ABTB3: variants seen among roughly 807,000 people sequenced by gnomAD.
The protein encoded by ABTB3 is ankyrin repeat and BTB domain containing 3.
At chr12:107,396,712 C>T in the ABTB3 span, among the ~76,000 whole-genome samples, 2 of 151,856 alleles carry the variant, frequency 1.3e-5, no homozygotes, top group East Asian at 3.9e-4. Flanking sequence ...GATAATTTCT[C>T]ATATTTGCAT....
At chr12:107,373,473 T>C in the ABTB3 span, among the ~76,000 whole-genome samples, 1 of 152,130 alleles carries the variant, frequency 6.6e-6, no homozygotes, top group Non-Finnish European at 1.5e-5. Context: ...ATCACTTTCC[T>C]TTGAGGAAGT....
chr12:107,562,730 A>G, the ABTB3 span, among the ~76,000 whole-genome samples: 1 of 152,256 alleles, frequency 6.6e-6, no homozygotes. Context: ...CCATTGTTTG[A>G]ATCCCGCAGT....
At chr12:107,642,069 C>G in the ABTB3 span, 2 of 1,609,182 alleles carry the variant, frequency 1.2e-6, no homozygotes, top group Non-Finnish European at 1.7e-6. Flanking sequence ...TTTTTTATCT[C>G]TTTTTTATGT....
chr12:107,655,716 T>C, the ABTB3 span, among the ~76,000 whole-genome samples: 36 of 152,294 alleles, frequency 2.4e-4, no homozygotes, highest in African/African-American at 7.9e-4. Context: ...GAGAAACCCA[T>C]TCCACAAATG....
At chr12:107,361,317 A>C in the ABTB3 span, among the ~76,000 whole-genome samples, 1 of 152,150 alleles carries the variant, frequency 6.6e-6, no homozygotes, top group Non-Finnish European at 1.5e-5. Flanking sequence ...CATATTGCAC[A>C]TACTGTTCTG....
chr12:107,399,253 C>G, the ABTB3 span, among the ~76,000 whole-genome samples: 6 of 152,122 alleles, frequency 3.9e-5, no homozygotes, highest in Non-Finnish European at 8.8e-5. Flanking sequence ...GCACATTCTC[C>G]AAGAGTGATT....
chr12:107,548,200 T>C, the ABTB3 span, among the ~76,000 whole-genome samples: 1 of 152,220 alleles, frequency 6.6e-6, no homozygotes, highest in Admixed American at 6.5e-5. Flanking sequence ...GTGTTCTTTT[T>C]ATCCTGCAAT....
At chr12:107,608,944 AATAAAATAAAAT>A in the ABTB3 span, among the ~76,000 whole-genome samples, 58 of 80,280 alleles carry the variant, frequency 7.2e-4, no homozygotes, top group Non-Finnish European at 1.2e-3. Context: ...AAATAAAATA[AATAAAATAAAAT>A]ATAAAATAAA....
chr12:107,476,133 G>C, the ABTB3 span, among the ~76,000 whole-genome samples: 3 of 152,170 alleles, frequency 2.0e-5, no homozygotes, highest in Non-Finnish European at 4.4e-5. Context: ...GAGGTTTGAG[G>C]GAGGGCAGTG....
the ABTB3 span, among the ~76,000 whole-genome samples, chr12:107,418,527 C>T: frequency 6.6e-6 from 1 of 152,332 alleles, no homozygotes; most frequent in South Asian, 2.1e-4. Flanking sequence ...CCCGGCCTAG[C>T]CACTGTGGTC....
At chr12:107,452,093 G>A in the ABTB3 span, among the ~76,000 whole-genome samples, 6 of 151,990 alleles carry the variant, frequency 3.9e-5, no homozygotes, top group African/African-American at 9.7e-5. Context: ...TCATTCATTC[G>A]GTCAGCAATT....
the ABTB3 span, among the ~76,000 whole-genome samples, chr12:107,327,236 T>G: frequency 6.6e-6 from 1 of 152,238 alleles, no homozygotes; most frequent in Non-Finnish European, 1.5e-5. Context: ...CCCAGAGTTA[T>G]TTCCTAGACT....
chr12:107,525,324 C>CAAAAAAAAAAAAAAAAAAAAAAAAAAAA, the ABTB3 span, among the ~76,000 whole-genome samples: 8 of 34,892 alleles, frequency 2.3e-4, no homozygotes, highest in African/African-American at 3.5e-4. Flanking sequence ...AAGATCCTGT[C>CAAAAAAAAAAAAAAAAAAAAAAAAAAAA]AAAAAAAAAA....
At chr12:107,577,857 C>A in the ABTB3 span, among the ~76,000 whole-genome samples, 1 of 152,124 alleles carries the variant, frequency 6.6e-6, no homozygotes, top group African/African-American at 2.4e-5. Context: ...ATGGCTGTTG[C>A]CATTTTAACA....
chr12:107,416,068 G>A, the ABTB3 span, among the ~76,000 whole-genome samples: 3 of 152,216 alleles, frequency 2.0e-5, no homozygotes, highest in Admixed American at 6.5e-5. Context: ...ATTCGGGCAG[G>A]CGCAGCTGCA....
the ABTB3 span, among the ~76,000 whole-genome samples, chr12:107,359,683 C>T: frequency 1.3e-5 from 2 of 152,060 alleles, no homozygotes; most frequent in Admixed American, 1.3e-4. Flanking sequence ...AGGTTTTGAC[C>T]GCATCCCATG....
chr12:107,580,755 C>G, the ABTB3 span: 2 of 1,402,694 alleles, frequency 1.4e-6, no homozygotes, highest in African/African-American at 2.9e-5. Flanking sequence ...ATAGAAATAA[C>G]ACGGGGCGCT....
At chr12:107,618,269 C>G in the ABTB3 span, 5 of 1,613,458 alleles carry the variant, frequency 3.1e-6, no homozygotes, top group Non-Finnish European at 4.2e-6. Context: ...CCCCGCCCCC[C>G]TTGTGCGCCA....
the ABTB3 span, among the ~76,000 whole-genome samples, chr12:107,392,040 G>A: frequency 6.6e-6 from 1 of 152,188 alleles, no homozygotes; most frequent in East Asian, 1.9e-4. Flanking sequence ...CTGAGCACCG[G>A]TTTTCTCACC....
Sources: allele counts gnomAD v4.1 joint callset (sites outside exome capture counted in the v4.1 genomes callset), GRCh38; gene constraint gnomAD v4.1.1; transcripts MANE v1.5; gene names NCBI Gene and HGNC (gene_info 2026-07-23, HGNC 2026-07-21).